LRRC47: variants seen among roughly 807,000 people sequenced by gnomAD.
The protein encoded by LRRC47 is leucine-rich repeat-containing protein 47.
LRRC47 carries 31 observed loss-of-function variants against 40.9 expected under a neutral mutation model. The observed-to-expected ratio is 0.76, with a 90% CI of 0.57 to 1.02. The LOEUF (loss-of-function observed/expected upper bound fraction) is 1.02. Ranked by LOEUF, LRRC47 falls within the 50% of genes least tolerant of loss-of-function variation. The pLI is 0.00. For missense variants in LRRC47, 726 were observed against 796.1 expected (o/e 0.91, Z 1.06); for synonymous variants, 427 against 371.9 (o/e 1.15, Z -1.70).
rs1643505361 is a variant in LRRC47, at chr1:3,780,226, G to A, written c.*862C>T. ...GAGTCTTTACACAAGCCTCGATGGTGCATGTAGTTTTATTTATGTGTTTTC... is the reference window on the plus strand; with the variant it reads ...GAGTCTTTACACAAGCCTCGATGGTACATGTAGTTTTATTTATGTGTTTTC... On this transcript the variant is annotated 3_prime_UTR_variant, in exon 7 of 7. Transcript: ENST00000378251. 6.6e-6 allele frequency: 1 copy of A among 152,174 alleles called. No individual in the cohort carries two copies. The highest frequency in any genetic ancestry group is 1.9e-4 in the East Asian group (1 of 5,184). The allele number at this position is 152,174 out of a possible 1,614,324, so 9.4% of individuals were successfully genotyped here.
rs879497656 is a variant in LRRC47 at position 3,796,112 on chromosome 1, G to A, written c.365C>T (p.Pro122Leu). The A allele has an allele frequency of 1.4e-5, 20 of 1,460,114 alleles. No homozygotes were observed. Among genetic ancestry groups the A allele is most frequent in the Non-Finnish European group, 1.5e-5 (17 of 1,115,128 alleles). The allele number at this position is 1,460,114 out of a possible 1,614,324, so 90.4% of individuals were successfully genotyped here. A position where few individuals can be genotyped will look rare whatever the true frequency, so the allele number is the denominator to read the frequency against. Residue 122 changes from proline (P) to leucine (L), a missense_variant, in exon 1 of 7, where the codon CCC (proline) becomes CTC (leucine). By Grantham distance (98) the Pro-to-Leu change is moderately conservative. Transcript: ENST00000378251. ...EALPPGQGLG[P>L]AEPPGLPQLQ... ...CTGCGGAAGGCCCGGCGGCTCGGCG[G>A]GGCCCAGGCCTTGGCCCGGCGGCAG...
intron 1 of LRRC47, among the ~76,000 whole-genome samples, chr1:3,792,463 A>ATTTT (rs1453139661): frequency 1.5e-5 from 1 of 67,882 alleles, no homozygotes; most frequent in Non-Finnish European, 2.5e-5. Flanking sequence ...CTGGACGCAC[A>ATTTT]CTTTTTTTTT....
intron 2 of LRRC47, 117 bp downstream of exon 2, chr1:3,786,732 G>A (rs770579385): frequency 2.6e-4 from 249 of 967,204 alleles, no homozygotes; most frequent in Non-Finnish European, 3.4e-4. Context: ...ACAGACACCC[G>A]GCTGGGCCCC....
At chr1:3,788,953 C>CGCGTCCAT (rs1557643060) in intron 1 of LRRC47, among the ~76,000 whole-genome samples, 1 of 152,204 alleles carries the variant, frequency 6.6e-6, no homozygotes, top group Non-Finnish European at 1.5e-5. Flanking sequence ...ACCTGAGCCA[C>CGCGTCCAT]GCGTCCATCG....
chr1:3,785,147 G>C lies in LRRC47; in HGVS notation c.1134C>G (p.His378Gln). ...GGGGCCCTTTGACGGCACGGAGCTC[G>C]TGGGTGGCAAGGGTGGCAGCCGTCC... ...EKRTAATLATHELRAVKGPLL... is the reference protein window; with the variant it reads ...EKRTAATLATQELRAVKGPLL... The change falls in exon 3 of 7, where the codon CAC becomes CAG. Residue 378 changes from histidine to glutamine, a missense_variant. Coordinates refer to ENST00000378251, the MANE Select transcript of LRRC47 (RefSeq NM_020710.3). 6.2e-7 allele frequency: 1 copy of C among 1,600,274 alleles called. No homozygotes were observed. Among genetic ancestry groups the C allele is most frequent in the Non-Finnish European group, 8.5e-7 (1 of 1,173,914 alleles).
rs145952899 is a variant in LRRC47, at chr1:3,787,014, G to C, written c.912C>G (p.Ala304=). The change falls in exon 2 of 7, where the codon GCC becomes GCG. Residue 304 remains alanine (A), a synonymous_variant. Transcript: ENST00000378251. ...GDGEEQDVGD[A]GRLLLRVLHV... ...GCAGGACCCTGAGCAGCAGCCGGCCGGCATCTCCCACGTCCTGCTCCTCCC... is the reference window on the plus strand; with the variant it reads ...GCAGGACCCTGAGCAGCAGCCGGCCCGCATCTCCCACGTCCTGCTCCTCCC... The C allele has an allele frequency of 1.9e-6, 3 of 1,611,430 alleles. No homozygotes were observed. In the South Asian group the frequency reaches 3.3e-5, roughly 18 times the overall value.
Position 3,787,128 on chromosome 1 carries a change from C to T in LRRC47, c.798G>A (p.Gly266=), listed in dbSNP as rs745693058. 1 of 1,613,852 alleles carries T rather than the reference C, an allele frequency of 6.2e-7. No individual in the cohort carries two copies. The highest frequency in any genetic ancestry group is 1.1e-5 in the South Asian group (1 of 91,078). ...AGCCCTCGGCACGGCCCTTGCCCTT[C>T]CCGCCACCACGGCCTCCGACGCGCA... ...EYLRVGGRGG[G]KGKGRAEGSE... is the part of the protein sequence containing the mutation. Residue 266 remains glycine (G), a synonymous_variant, in exon 2 of 7, where the codon GGG becomes GGA. Coordinates refer to ENST00000378251, the MANE Select transcript of LRRC47 (RefSeq NM_020710.3).
rs1470357032 is a variant in LRRC47 at position 3,782,654 on chromosome 1, AC to A, written c.1413+6del. On this transcript the variant is annotated splice_donor_region_variant and intron_variant, in intron 5 of 6. Coordinates refer to ENST00000378251, the MANE Select transcript of LRRC47 (RefSeq NM_020710.3). ...GACACACCATGTTCACACACATGCC[AC>A]CCTACCTTTGTCTTCTCACTGTTGG... is the stretch of plus-strand genomic sequence containing the variant. 4 of 1,522,636 alleles carry A rather than the reference AC, an allele frequency of 2.6e-6. No homozygotes were observed. The African/African-American group carries it at 4.1e-5, about 16-fold the overall frequency. The allele number at this position is 1,522,636 out of a possible 1,614,324, so 94.3% of individuals were successfully genotyped here.
At chr1:3,781,682 A>G (rs1421485072) in intron 5 of LRRC47, 81 bp from the exon 6 acceptor site, 2 of 1,199,058 alleles carry the variant, frequency 1.7e-6, no homozygotes, top group African/African-American at 1.5e-5. Context: ...CTCAGGAAAA[A>G]TCTACAAAAC....
chr1:3,782,255 T>C (rs1255294964), intron 5 of LRRC47, among the ~76,000 whole-genome samples: 1 of 151,718 alleles, frequency 6.6e-6, no homozygotes, highest in Admixed American at 6.6e-5. Context: ...TTCACTCTTG[T>C]TGCCCAGGCT....
intron 6 of LRRC47, 43 bp downstream of exon 6, chr1:3,781,469 C>CAGGG (rs1643520198): frequency 1.3e-6 from 2 of 1,588,868 alleles, no homozygotes; most frequent in South Asian, 2.2e-5. Flanking sequence ...GAGCACCACT[C>CAGGG]ACGCTCAAAA....
rs376383407 is a variant in LRRC47, at chr1:3,787,228, C to T, written c.698G>A (p.Arg233His). 5.3e-5 allele frequency: 86 copies of T among 1,613,624 alleles called. No homozygotes were observed. The highest frequency in any genetic ancestry group is 9.3e-5 in the African/African-American group (7 of 74,942). ...DCPKLKEINFRGNKLRDKRLE... is the reference protein window; with the variant it reads ...DCPKLKEINFHGNKLRDKRLE... ...GCGCTTGTCCCTCAGCTTGTTCCCA[C>T]GGAAATTGATCTCCTTGAGCTTGGG... Residue 233 changes from arginine (R) to histidine (H), a missense_variant, in exon 2 of 7, where the codon CGT becomes CAT. Physicochemically the swap from Arg to His is conservative, Grantham distance 29 (BLOSUM62 0). Coordinates refer to ENST00000378251, the MANE Select transcript of LRRC47 (RefSeq NM_020710.3).
At position 3,785,146 on chromosome 1, in the gene LRRC47, C is replaced by T. The variant is rs767004373; in HGVS notation, c.1135G>A (p.Glu379Lys). ...KRTAATLATH[E>K]LRAVKGPLLY... Reference sequence around the variant, plus strand: ...AGGGGCCCTTTGACGGCACGGAGCTCGTGGGTGGCAAGGGTGGCAGCCGTC... The same window carrying T: ...AGGGGCCCTTTGACGGCACGGAGCTTGTGGGTGGCAAGGGTGGCAGCCGTC... Residue 379 changes from glutamate to lysine, a missense_variant, in exon 3 of 7, where the codon GAG (glutamate) becomes AAG (lysine). By Grantham distance (56) the Glu-to-Lys change is moderately conservative (BLOSUM62 1). Transcript: ENST00000378251. 3.1e-6 allele frequency: 5 copies of T among 1,599,626 alleles called. No homozygotes were observed. Among genetic ancestry groups the T allele is most frequent in the African/African-American group, 1.4e-5 (1 of 73,750 alleles).
At position 3,778,621 on chromosome 1, in the gene LRRC47, G is replaced by C. The variant is rs1215323736; in HGVS notation, c.*2467C>G. ...GGGGTGGGGTGAAGAAAACATCAGA[G>C]ACACCTGTGCTGCGAGTTAAATACA... On this transcript the variant is annotated 3_prime_UTR_variant, in exon 7 of 7. Transcript: ENST00000378251. 2 of 153,774 alleles carry C rather than the reference G, an allele frequency of 1.3e-5. No homozygotes were observed. Among genetic ancestry groups the C allele is most frequent in the East Asian group, 3.8e-4 (2 of 5,198 alleles). The allele number at this position is 153,774 out of a possible 1,614,324, so 9.5% of individuals were successfully genotyped here.
intron 1 of LRRC47, among the ~76,000 whole-genome samples, chr1:3,788,015 G>A (rs376380274): frequency 6.0e-4 from 91 of 152,368 alleles, no homozygotes; most frequent in African/African-American, 2.1e-3. Context: ...GACCGTGACT[G>A]ATCAGACTTT....
At chr1:3,784,768 G>C (rs1643556101) in intron 3 of LRRC47, among the ~76,000 whole-genome samples, 1 of 152,226 alleles carries the variant, frequency 6.6e-6, no homozygotes. Context: ...GGCCAAGTTG[G>C]GCGGATCACC....
In LRRC47 at chr1:3,796,069, G is replaced by A. The variant is rs755067381; in HGVS notation, c.408C>T (p.Leu136=). ...PGLPQLQSLN[L]SGNRLRELPA... is the part of the protein sequence containing the mutation. Reference sequence around the variant, plus strand: ...GCAGCTCGCGCAGCCGGTTGCCGCTGAGGTTGAGGCTCTGCAGCTGCGGAA... The same window carrying A: ...GCAGCTCGCGCAGCCGGTTGCCGCTAAGGTTGAGGCTCTGCAGCTGCGGAA... Residue 136 remains leucine, a synonymous_variant, in exon 1 of 7, where the codon CTC becomes CTT. Coordinates refer to ENST00000378251, the MANE Select transcript of LRRC47 (RefSeq NM_020710.3). 3 of 1,536,574 alleles carry A rather than the reference G, an allele frequency of 2.0e-6. No individual in the cohort carries two copies. The highest frequency in any genetic ancestry group is 2.4e-5 in the South Asian group (2 of 83,428).
chr1:3,784,215 C>A, intron 3 of LRRC47, 104 bp from the exon 4 acceptor site: 1 of 898,022 alleles, frequency 1.1e-6, no homozygotes, highest in East Asian at 2.7e-5. Context: ...CGACTCCCGC[C>A]CTCATTCATC....
chr1:3,781,384 G>C (rs1462188130), intron 6 of LRRC47, 48 bp from the exon 7 acceptor site: 1 of 1,594,564 alleles, frequency 6.3e-7, no homozygotes, highest in Non-Finnish European at 8.6e-7. Flanking sequence ...AGGTGACCCA[G>C]GGAAGACATG....
Sources: allele counts gnomAD v4.1 joint callset (sites outside exome capture counted in the v4.1 genomes callset), GRCh38; gene constraint gnomAD v4.1.1; transcripts MANE v1.5; gene names NCBI Gene and HGNC (gene_info 2026-07-23, HGNC 2026-07-21).